MBD5: variants seen among roughly 807,000 people sequenced by gnomAD.
MBD5 encodes methyl-CpG binding domain protein 5, also known as methyl-CpG-binding domain protein 5.
A neutral mutation model predicts 117.3 loss-of-function variants in MBD5; 13 were observed. That is an observed-to-expected ratio of 0.11 (90% confidence interval 0.07 to 0.18). MBD5 has a LOEUF of 0.18. Among genes scored for constraint, MBD5 ranks in the 10% least tolerant of loss-of-function variants. The pLI, the probability that MBD5 is intolerant of heterozygous loss-of-function variation, is 1.00. For missense variants in MBD5, 1,879 were observed against 2,093.8 expected (o/e 0.90, Z 2.00); for synonymous variants, 727 against 766.4 (o/e 0.95, Z 0.85).
intron 4 of MBD5, among the ~76,000 whole-genome samples, chr2:148,356,735 T>G (rs1440928793): frequency 6.6e-6 from 1 of 152,166 alleles, no homozygotes; most frequent in Non-Finnish European, 1.5e-5. Flanking sequence ...CTCCATTATA[T>G]AAAACATTCT....
intron 3 of MBD5, among the ~76,000 whole-genome samples, chr2:148,268,112 G>A (rs1232397912): frequency 6.6e-6 from 1 of 151,772 alleles, no homozygotes; most frequent in Admixed American, 6.6e-5. Context: ...ACCAAGCCCA[G>A]CTAGTTTTTG....
At chr2:148,424,830 A>G (rs1296623561) in intron 4 of MBD5, among the ~76,000 whole-genome samples, 1 of 152,210 alleles carries the variant, frequency 6.6e-6, no homozygotes, top group African/African-American at 2.4e-5. Context: ...TGTTCCTTGA[A>G]ACCAATGGGA....
chr2:148,030,950 T>C (rs990531941), intron 1 of MBD5, among the ~76,000 whole-genome samples: 7 of 152,124 alleles, frequency 4.6e-5, no homozygotes, highest in Non-Finnish European at 8.8e-5. Context: ...TATAATGTAG[T>C]TTTTAAATAT....
chr2:148,287,958 T>C (rs2106410731), intron 3 of MBD5, among the ~76,000 whole-genome samples: 1 of 152,252 alleles, frequency 6.6e-6, no homozygotes. Flanking sequence ...AAATGGTGAA[T>C]TTCTGGATAG....
chr2:148,169,455 C>T (rs6711560), intron 1 of MBD5, among the ~76,000 whole-genome samples: 120,267 of 152,048 alleles, frequency 0.79, 48,917 homozygotes, highest in East Asian at 0.9. Context: ...TATACTTCTT[C>T]CTCTCAGAAA....
intron 3 of MBD5, among the ~76,000 whole-genome samples, chr2:148,321,126 A>G (rs1488633063): frequency 6.6e-6 from 1 of 152,226 alleles, no homozygotes. Context: ...TTATGCAAGC[A>G]TGTATTGCAT....
rs190754059 is a variant in MBD5 at position 148,287,642 on chromosome 2, G to A, written c.-680+54247G>A. 3.3e-5 allele frequency among the ~76,000 whole-genome samples: 5 copies of A among 152,300 alleles called. No individual in the cohort carries two copies. The East Asian group carries it at 9.6e-4, about 29-fold the overall frequency. Reference sequence around the variant, plus strand: ...CGTATTTCTCATGATCCTGCAGACTGGGAAGTCCAAGGTCAAGGGGCCTGC... The same window carrying A: ...CGTATTTCTCATGATCCTGCAGACTAGGAAGTCCAAGGTCAAGGGGCCTGC... On this transcript the variant is annotated intron_variant, in intron 3 of 13. Coordinates refer to ENST00000642680, the MANE Select transcript of MBD5 (RefSeq NM_001378120.1).
At chr2:148,299,654 G>A (rs1701738037) in intron 3 of MBD5, among the ~76,000 whole-genome samples, 1 of 152,092 alleles carries the variant, frequency 6.6e-6, no homozygotes, top group South Asian at 2.1e-4. Context: ...TTCCTGGGGT[G>A]TTTTGTTTTG....
At chr2:148,371,362 AT>A (rs1703848286) in intron 4 of MBD5, among the ~76,000 whole-genome samples, 1 of 152,090 alleles carries the variant, frequency 6.6e-6, no homozygotes, top group Admixed American at 6.6e-5. Context: ...TCAATTAGAT[AT>A]TTTTTAGCAA....
At chr2:148,087,775 G>A (rs1207434969) in intron 1 of MBD5, among the ~76,000 whole-genome samples, 1 of 152,154 alleles carries the variant, frequency 6.6e-6, no homozygotes, top group African/African-American at 2.4e-5. Context: ...GAAGGAATCA[G>A]AAAAGTAATT....
chr2:148,150,622 A>G (rs1049506967), intron 1 of MBD5, among the ~76,000 whole-genome samples: 2 of 151,614 alleles, frequency 1.3e-5, no homozygotes, highest in Non-Finnish European at 2.9e-5. Flanking sequence ...TTCCTGGAGC[A>G]GTGGTTTGTA....
At chr2:148,249,925 A>C (rs1185071994) in intron 3 of MBD5, among the ~76,000 whole-genome samples, 2 of 152,184 alleles carry the variant, frequency 1.3e-5, no homozygotes, top group African/African-American at 4.8e-5. Context: ...ATAACCCTCC[A>C]CAGCAAAGTA....
chr2:148,305,596 G>T (rs1412354491), intron 3 of MBD5, among the ~76,000 whole-genome samples: 2 of 152,156 alleles, frequency 1.3e-5, no homozygotes, highest in African/African-American at 2.4e-5. Flanking sequence ...ATGACATCGG[G>T]TGAACTTTCT....
At chr2:148,088,814 T>G (rs1695863291) in intron 1 of MBD5, among the ~76,000 whole-genome samples, 1 of 151,996 alleles carries the variant, frequency 6.6e-6, no homozygotes, top group Admixed American at 6.6e-5. Flanking sequence ...AAATCTAAGG[T>G]ATTCAGGTGA....
At chr2:148,436,211 T>C (rs1221686355) in intron 4 of MBD5, among the ~76,000 whole-genome samples, 1 of 152,246 alleles carries the variant, frequency 6.6e-6, no homozygotes, top group African/African-American at 2.4e-5. Flanking sequence ...GTAATATTTC[T>C]TGATACTCCC....
chr2:148,325,812 CG>C (rs1378330791), intron 3 of MBD5, among the ~76,000 whole-genome samples: 1 of 151,718 alleles, frequency 6.6e-6, no homozygotes, highest in African/African-American at 2.4e-5. Flanking sequence ...ATTTTTTGAA[CG>C]GTTTTTTGTG....
At chr2:148,022,981 A>G (rs548997101) in intron 1 of MBD5, among the ~76,000 whole-genome samples, 1 of 152,106 alleles carries the variant, frequency 6.6e-6, no homozygotes, top group Non-Finnish European at 1.5e-5. Context: ...TATATTGGAA[A>G]GTGTTATTTT....
At chr2:148,300,852 A>G (rs1027366079) in intron 3 of MBD5, among the ~76,000 whole-genome samples, 25 of 152,232 alleles carry the variant, frequency 1.6e-4, no homozygotes, top group African/African-American at 5.8e-4. Flanking sequence ...AAGTAGCAGT[A>G]GCAGCTACTT....
chr2:148,156,362 A>G (rs1438726297), intron 1 of MBD5, among the ~76,000 whole-genome samples: 1 of 151,958 alleles, frequency 6.6e-6, no homozygotes, highest in African/African-American at 2.4e-5. Context: ...GCTTATAACT[A>G]CTCCCCAGAA....
Sources: gnomAD v4.1 joint callset for allele counts (sites outside exome capture counted in the v4.1 genomes callset) on GRCh38, gnomAD v4.1.1 for gene constraint, MANE v1.5 for transcripts, NCBI Gene and HGNC (gene_info 2026-07-23, HGNC 2026-07-21) for gene names.